WIPI2: variants seen among roughly 807,000 people sequenced by gnomAD.
The protein encoded by WIPI2 is WD repeat domain, phosphoinositide interacting 2.
Under a neutral mutation model 52.3 loss-of-function variants are expected in WIPI2, and 28 were observed. That is an observed-to-expected ratio of 0.54 (90% CI 0.40 to 0.73). The LOEUF (loss-of-function observed/expected upper bound fraction) is 0.73, where lower values mean the gene tolerates loss of function less well. Ranked by LOEUF, WIPI2 falls within the 30% of genes least tolerant of loss-of-function variation. The pLI, the probability that WIPI2 is intolerant of heterozygous loss-of-function variation, is 0.00. For missense variants in WIPI2, 506 were observed against 602.9 expected (o/e 0.84, Z 1.68); for synonymous variants, 268 against 245.0 (o/e 1.09, Z -0.88).
At chr7:5,211,339 G>A (rs1782550257) in intron 3 of WIPI2, among the ~76,000 whole-genome samples, 2 of 152,202 alleles carry the variant, frequency 1.3e-5, no homozygotes, top group African/African-American at 4.8e-5. Context: ...AGGCGTGGTG[G>A]CATGCAACTG....
At chr7:5,229,419 C>A in intron 11 of WIPI2, 189 bp from the exon 12 acceptor site, 1 of 581,904 alleles carries the variant, frequency 1.7e-6, no homozygotes, top group East Asian at 3.1e-5. Flanking sequence ...TTTAGACTTT[C>A]CATGTAAAAC....
chr7:5,226,092 G>A (rs1157113574), intron 9 of WIPI2, 162 bp downstream of exon 9: 12 of 666,070 alleles, frequency 1.8e-5, no homozygotes, highest in South Asian at 5.3e-5. Flanking sequence ...ATCCAGGCTC[G>A]GCAGTGAGGA....
In WIPI2 at chr7:5,214,230, T is replaced by G. The variant is rs1782700087; in HGVS notation, c.212-305T>G. On this transcript the variant is annotated intron_variant, in intron 3 of 12. Coordinates refer to ENST00000288828, the MANE Select transcript of WIPI2 (RefSeq NM_015610.4). ...CTAGACCTTACTCTTTCACTTTACC[T>G]AGGAGTTTGGTTCCTAAACTCACCA... The G allele has an allele frequency of 2.3e-6, 3 of 1,308,270 alleles. No individual in the cohort carries two copies. In the Admixed American group the frequency reaches 9.4e-5, roughly 41 times the overall value. 81.0% of individuals were successfully genotyped at this position (1,308,270 alleles called of 1,614,324 possible). A position where few individuals can be genotyped will look rare whatever the true frequency, so the allele number is the denominator to read the frequency against.
intron 8 of WIPI2, among the ~76,000 whole-genome samples, chr7:5,224,924 T>C (rs912415263): frequency 6.6e-6 from 1 of 152,104 alleles, no homozygotes; most frequent in Non-Finnish European, 1.5e-5. Flanking sequence ...CCCACCCCCA[T>C]CGCTGGATGC....
rs1441768022 is a variant in WIPI2 at position 5,230,882 on chromosome 7, G to A, written c.1300G>A (p.Glu434Lys). The stretch of plus-strand genomic sequence containing the variant: ...TGTGGGTGGCGCCTGCCTGGAGGAC[G>A]AGGCCAGCGCCCTGCGCCTGGATGA... ...GAVGGACLED[E>K]ASALRLDEDS... The change falls in exon 13 of 13, where the codon GAG becomes AAG. Residue 434 changes from glutamate (E) to lysine (K), a missense_variant. By Grantham distance (56) the Glu-to-Lys change is moderately conservative (BLOSUM62 1). Around this residue, in one of 4 missense-constraint regions of WIPI2, gnomAD observed 194 missense variants for 175.1 expected, o/e 1.11. Transcript: ENST00000288828. The surrounding 1 kb of genome is among the most constrained non-coding windows in gnomAD (Gnocchi z 4.8). The A allele has an allele frequency of 6.8e-6, 11 of 1,613,732 alleles. No individual in the cohort carries two copies. The highest frequency in any genetic ancestry group is 4.5e-5 in the East Asian group (2 of 44,884).
At chr7:5,196,874 G>T (rs899047964) in intron 2 of WIPI2, among the ~76,000 whole-genome samples, 5 of 152,000 alleles carry the variant, frequency 3.3e-5, no homozygotes, top group Non-Finnish European at 7.4e-5. Flanking sequence ...CACTTTGGGA[G>T]GCCGAGGCAA....
At chr7:5,207,019 T>C (rs1782327197) in intron 3 of WIPI2, among the ~76,000 whole-genome samples, 1 of 152,150 alleles carries the variant, frequency 6.6e-6, no homozygotes, top group Non-Finnish European at 1.5e-5. Context: ...GCTCAAGTGA[T>C]CCACATCAGC....
chr7:5,207,421 T>C (rs1055838172), intron 3 of WIPI2, among the ~76,000 whole-genome samples: 1 of 152,226 alleles, frequency 6.6e-6, no homozygotes, highest in Non-Finnish European at 1.5e-5. Flanking sequence ...GAGCATCTAC[T>C]CTTTTGATGA....
chr7:5,218,075 C>T (rs1210229051), intron 7 of WIPI2, 61 bp downstream of exon 7: 1 of 1,558,904 alleles, frequency 6.4e-7, no homozygotes, highest in African/African-American at 1.4e-5. Flanking sequence ...TTTTTCAGTT[C>T]TGTTCACACA....
chr7:5,190,534 G>C (rs2115182258), intron 1 of WIPI2, 41 bp downstream of exon 1: 1 of 1,447,174 alleles, frequency 6.9e-7, no homozygotes, highest in Non-Finnish European at 9.2e-7. Flanking sequence ...GTGAGGCCAG[G>C]GTCGGACCCG....
chr7:5,229,838 G>T, intron 12 of WIPI2, 100 bp downstream of exon 12: 1 of 1,508,582 alleles, frequency 6.6e-7, no homozygotes, highest in Non-Finnish European at 8.9e-7. Context: ...CTCCTCACTG[G>T]GAAAGATGGG....
chr7:5,203,716 T>A (rs1292986207), intron 3 of WIPI2, among the ~76,000 whole-genome samples: 1 of 139,266 alleles, frequency 7.2e-6, no homozygotes, highest in Non-Finnish European at 1.5e-5. Flanking sequence ...CACTGCAAGC[T>A]CCGCCTCCCG....
At chr7:5,223,251 G>T (rs1783241329) in intron 8 of WIPI2, among the ~76,000 whole-genome samples, 1 of 152,188 alleles carries the variant, frequency 6.6e-6, no homozygotes, top group African/African-American at 2.4e-5. Flanking sequence ...TGGAGCCCGT[G>T]CCTCAGATTG....
Position 5,227,166 on chromosome 7 carries a change from G to A in WIPI2, c.849-14G>A. 9 of 1,613,554 alleles carry A rather than the reference G, an allele frequency of 5.6e-6. No individual in the cohort carries two copies. Among genetic ancestry groups the A allele is most frequent in the Non-Finnish European group, 7.6e-6 (9 of 1,179,950 alleles). ...AGGGTGCAGCTTCATGTGTCTGGTG[G>A]CCTTTCCTTCCAGACCCCCAGAGGA... On this transcript the variant is annotated splice_polypyrimidine_tract_variant and intron_variant, in intron 9 of 12. Transcript: ENST00000288828. This position sits in a 1 kb window ranked among gnomAD's most constrained non-coding sequence, Gnocchi z 8.1.
chr7:5,222,557 G>T (rs756952167), intron 7 of WIPI2, 45 bp from the exon 8 acceptor site: 18 of 1,587,540 alleles, frequency 1.1e-5, no homozygotes, highest in Middle Eastern at 1.7e-4. Flanking sequence ...GGAAATTCCT[G>T]TTTTAACTCA....
Position 5,227,279 on chromosome 7 carries a change from G to T in WIPI2, c.948G>T (p.Gln316His), listed in dbSNP as rs916597059. 19 of 1,613,544 alleles carry T rather than the reference G, an allele frequency of 1.2e-5. No individual in the cohort carries two copies. The highest frequency in any genetic ancestry group is 1.4e-5 in the Non-Finnish European group (17 of 1,180,034). The change falls in exon 10 of 13, where the codon CAG becomes CAT. Residue 316 changes from glutamine to histidine, a missense_variant. Transcript: ENST00000288828. This position sits in a 1 kb window ranked among gnomAD's most constrained non-coding sequence, Gnocchi z 8.1. Reference protein sequence around the residue: ...LPSQVTEMFNQGRAFATVRLP... With the variant: ...LPSQVTEMFNHGRAFATVRLP... ...CCCAAGTGACAGAAATGTTCAACCA[G>T]GGCAGAGCCTTCGCCACGGTCCGCC... is the stretch of plus-strand genomic sequence containing the variant.
chr7:5,206,784 T>C (rs1393627053), intron 3 of WIPI2, among the ~76,000 whole-genome samples: 1 of 152,174 alleles, frequency 6.6e-6, no homozygotes, highest in Non-Finnish European at 1.5e-5. Context: ...TTATTTCTTT[T>C]TTTGAGACAG....
intron 1 of WIPI2, among the ~76,000 whole-genome samples, chr7:5,192,342 C>T (rs991069707): frequency 6.6e-5 from 10 of 152,094 alleles, no homozygotes; most frequent in African/African-American, 2.4e-4. Context: ...TGGTTTATGC[C>T]TTGTATAAAT....
chr7:5,225,024 A>C (rs1783355749), intron 8 of WIPI2, among the ~76,000 whole-genome samples: 1 of 152,136 alleles, frequency 6.6e-6, no homozygotes, highest in South Asian at 2.1e-4. Flanking sequence ...GGCTAAAAGT[A>C]TCTTGTATTT....
Sources: gnomAD v4.1 joint callset for allele counts (sites outside exome capture counted in the v4.1 genomes callset) on GRCh38, gnomAD v4.1.1 for gene constraint, gnomAD v4.1.1 regional missense constraint, Gnocchi (gnomAD v3.1) non-coding constraint, MANE v1.5 for transcripts, NCBI Gene and HGNC (gene_info 2026-07-23, HGNC 2026-07-21) for gene names.